Variants in MOXD1 observed in about 807,000 individuals in gnomAD.
MOXD1 encodes the protein DBH-like monooxygenase protein 1.
Under a neutral mutation model 66.6 loss-of-function variants are expected in MOXD1, and 62 were observed. The observed-to-expected ratio is 0.93, with a 90% confidence interval of 0.76 to 1.15. The LOEUF (loss-of-function observed/expected upper bound fraction) is 1.15. Ranked by LOEUF, MOXD1 falls within the 50% of genes most tolerant of loss-of-function variation. The pLI is 0.00. For synonymous variants in MOXD1, 303 were observed against 281.9 expected, an observed-to-expected ratio of 1.07 and a Z score of -0.75; for missense variants, 847 against 754.6, an observed-to-expected ratio of 1.12 and a Z score of -1.44.
At chr6:132,327,742 C>T (rs1582573272) in intron 6 of MOXD1, among the ~76,000 whole-genome samples, 1 of 152,270 alleles carries the variant, frequency 6.6e-6, no homozygotes, top group East Asian at 1.9e-4. Flanking sequence ...TATTCTACTT[C>T]CTGGTAGGTA....
rs146636600 is a variant in MOXD1, at chr6:132,315,635, G to T, written c.1508C>A (p.Thr503Lys). 2 of 1,606,998 alleles carry T rather than the reference G, an allele frequency of 1.2e-6. No individual in the cohort carries two copies. Among genetic ancestry groups the T allele is most frequent in the Non-Finnish European group, 1.7e-6 (2 of 1,177,806 alleles). ...IGVKEIYRPV[T>K]TWPFIIKSPK... is the part of the protein sequence containing the mutation. ...ATCATAAAATACATTTACTACTTACGTGACTGGTCTGTAGATCTCCTTAAC... is the reference window on the plus strand; with the variant it reads ...ATCATAAAATACATTTACTACTTACTTGACTGGTCTGTAGATCTCCTTAAC... Residue 503 changes from threonine (T) to lysine (K), a missense_variant and splice_region_variant, in exon 10 of 12, where the codon ACG becomes AAG. Transcript: ENST00000367963.
intron 4 of MOXD1, among the ~76,000 whole-genome samples, chr6:132,361,218 T>C (rs967616829): frequency 1.3e-5 from 2 of 152,176 alleles, no homozygotes; most frequent in Non-Finnish European, 2.9e-5. Context: ...ATAAATCTTT[T>C]TTCTGTCTTA....
intron 1 of MOXD1, among the ~76,000 whole-genome samples, chr6:132,381,017 A>G (rs1268876083): frequency 2.6e-5 from 4 of 152,234 alleles, no homozygotes; most frequent in Admixed American, 6.5e-5. Context: ...ATAATCCCCT[A>G]CCTATTTTAA....
At chr6:132,309,769 C>T (rs925123015) in intron 10 of MOXD1, among the ~76,000 whole-genome samples, 1 of 152,140 alleles carries the variant, frequency 6.6e-6, no homozygotes, top group African/African-American at 2.4e-5. Context: ...CTCCTATTAA[C>T]TAAATGGTGC....
At chr6:132,298,058 T>TAGATA (rs1774451149) in intron 10 of MOXD1, 103 bp from the exon 11 acceptor site, 16 of 956,744 alleles carry the variant, frequency 1.7e-5, no homozygotes, top group Non-Finnish European at 2.0e-5. Context: ...TTCATTTTCA[T>TAGATA]ACACATAGAT....
intron 1 of MOXD1, among the ~76,000 whole-genome samples, chr6:132,386,097 C>T (rs1331958907): frequency 8.2e-5 from 10 of 122,254 alleles, no homozygotes; most frequent in Non-Finnish European, 9.6e-5. Context: ...GGCAAGACTG[C>T]GTCTCAAAAA....
chr6:132,396,593 G>GT (rs1181051379), intron 1 of MOXD1, among the ~76,000 whole-genome samples: 1 of 151,710 alleles, frequency 6.6e-6, no homozygotes, highest in Non-Finnish European at 1.5e-5. Context: ...AAGGAAGTTA[G>GT]TTTTTTGAAA....
At chr6:132,382,617 T>A (rs1366134956) in intron 1 of MOXD1, among the ~76,000 whole-genome samples, 1 of 152,194 alleles carries the variant, frequency 6.6e-6, no homozygotes, top group Non-Finnish European at 1.5e-5. Flanking sequence ...AGTTTTCAGT[T>A]GTACCGTAGA....
intron 9 of MOXD1, among the ~76,000 whole-genome samples, chr6:132,319,913 C>A (rs972937282): frequency 2.7e-4 from 41 of 151,956 alleles, no homozygotes; most frequent in African/African-American, 9.9e-4. Context: ...ATATCTTTTT[C>A]TTTCAATAAA....
At chr6:132,349,814 T>C (rs1429108490) in intron 4 of MOXD1, among the ~76,000 whole-genome samples, 1 of 152,116 alleles carries the variant, frequency 6.6e-6, no homozygotes, top group African/African-American at 2.4e-5. Flanking sequence ...TTATGGCCAT[T>C]CTTGCAGGAG....
intron 1 of MOXD1, among the ~76,000 whole-genome samples, chr6:132,382,975 A>T (rs574507813): frequency 6.6e-6 from 1 of 152,318 alleles, no homozygotes; most frequent in East Asian, 1.9e-4. Flanking sequence ...AGGAAGTAAA[A>T]ACTCTTACGG....
chr6:132,303,517 C>T (rs1477623978), intron 10 of MOXD1, among the ~76,000 whole-genome samples: 1 of 151,638 alleles, frequency 6.6e-6, no homozygotes, highest in Non-Finnish European at 1.5e-5. Flanking sequence ...ACTTATAATA[C>T]CTAATACAAT....
chr6:132,299,634 A>C (rs996970775), intron 10 of MOXD1, among the ~76,000 whole-genome samples: 1 of 152,094 alleles, frequency 6.6e-6, no homozygotes, highest in Admixed American at 6.6e-5. Context: ...GATAGTTTTC[A>C]GGTGTTGTCT....
intron 4 of MOXD1, among the ~76,000 whole-genome samples, chr6:132,337,918 C>T (rs192717595): frequency 4.0e-4 from 61 of 152,194 alleles, no homozygotes; most frequent in African/African-American, 9.6e-4. Context: ...TAAATTCATA[C>T]GTATATGGCC....
chr6:132,303,831 GTGTGTATATATATATATATATATATA>G (rs1774618042), intron 10 of MOXD1, among the ~76,000 whole-genome samples: 6 of 66,732 alleles, frequency 9.0e-5, no homozygotes, highest in African/African-American at 3.4e-4. Flanking sequence ...GTGTGTGTGT[GTGTGTATATATATATATATATATATA>G]TATATATATA....
At chr6:132,304,927 A>G (rs1265890307) in intron 10 of MOXD1, among the ~76,000 whole-genome samples, 1 of 152,216 alleles carries the variant, frequency 6.6e-6, no homozygotes, top group East Asian at 1.9e-4. Context: ...TTTTAAGAAC[A>G]TTTTGAGAGT....
chr6:132,393,322 C>G (rs1032933865), intron 1 of MOXD1, among the ~76,000 whole-genome samples: 1 of 152,106 alleles, frequency 6.6e-6, no homozygotes, highest in South Asian at 2.1e-4. Context: ...GAGAGAGGAG[C>G]TAAAATAGCA....
In MOXD1 at chr6:132,340,650, T is replaced by C. The variant is rs1367731298; in HGVS notation, c.664-12056A>G. Among the ~76,000 whole-genome samples the C allele has an allele frequency of 3.7e-5, 5 of 134,828 alleles. 1 individual carries two copies. The highest frequency in any genetic ancestry group is 1.5e-4 in the Admixed American group (2 of 13,578). 88.5% of individuals were successfully genotyped at this position (134,828 alleles called of 152,430 possible). ...AACAACAAGACTCATTTTTTTTTTT[T>C]TTTTTTTTTTTTTTGAGCCGGAGTC... is the stretch of plus-strand genomic sequence containing the variant. On this transcript the variant is annotated intron_variant, in intron 4 of 11. Coordinates refer to ENST00000367963, the MANE Select transcript of MOXD1 (RefSeq NM_015529.4).
intron 4 of MOXD1, among the ~76,000 whole-genome samples, chr6:132,331,496 CT>C (rs566547605): frequency 0.032 from 4,675 of 147,226 alleles, 111 homozygotes; most frequent in Non-Finnish European, 0.052. Flanking sequence ...AGAGCAAGTG[CT>C]TTTTTTTTTG....
Sources: allele counts gnomAD v4.1 joint callset (sites outside exome capture counted in the v4.1 genomes callset), GRCh38; gene constraint gnomAD v4.1.1; transcripts MANE v1.5; gene names NCBI Gene and HGNC (gene_info 2026-07-23, HGNC 2026-07-21).